CCDC192: variants seen among roughly 807,000 people sequenced by gnomAD.
CCDC192 encodes coiled-coil domain-containing protein 192.
intron 2 of CCDC192, among the ~76,000 whole-genome samples, chr5:127,724,874 A>G (rs1752233589): frequency 6.6e-6 from 1 of 151,732 alleles, no homozygotes; most frequent in Non-Finnish European, 1.5e-5. Context: ...GAAGAAAAGA[A>G]ACGTCTAGTT....
chr5:127,919,875 CT>C (rs1753659658), intron 6 of CCDC192, among the ~76,000 whole-genome samples: 1 of 152,214 alleles, frequency 6.6e-6, no homozygotes, highest in Non-Finnish European at 1.5e-5. Context: ...GATAGATGCA[CT>C]ATTTTGACAG....
At chr5:127,783,002 T>G (rs1287718350) in intron 3 of CCDC192, among the ~76,000 whole-genome samples, 2 of 151,486 alleles carry the variant, frequency 1.3e-5, no homozygotes, top group Non-Finnish European at 2.9e-5. Flanking sequence ...GTGGGGTTTT[T>G]TTTTTTTTTT....
intron 6 of CCDC192, among the ~76,000 whole-genome samples, chr5:127,928,964 A>G (rs1050443376): frequency 6.6e-6 from 1 of 151,984 alleles, no homozygotes; most frequent in African/African-American, 2.4e-5. Context: ...ACACGGTTTC[A>G]CCAGGCTGGC....
intron 5 of CCDC192, among the ~76,000 whole-genome samples, chr5:127,844,377 G>C (rs1422858556): frequency 6.6e-6 from 1 of 152,212 alleles, no homozygotes; most frequent in African/African-American, 2.4e-5. Context: ...GAAAGATATT[G>C]TGATGGGTAA....
chr5:127,725,906 T>G (rs1445474279), intron 2 of CCDC192, among the ~76,000 whole-genome samples: 2 of 152,202 alleles, frequency 1.3e-5, no homozygotes, highest in Non-Finnish European at 2.9e-5. Flanking sequence ...AGTATAAAAT[T>G]GAAAGATTAT....
intron 5 of CCDC192, among the ~76,000 whole-genome samples, chr5:127,818,211 A>G (rs1241999834): frequency 6.6e-6 from 1 of 152,204 alleles, no homozygotes; most frequent in Non-Finnish European, 1.5e-5. Flanking sequence ...TCACTTGATA[A>G]GAGTCTAAAA....
chr5:127,789,974 C>T (rs998541280), intron 3 of CCDC192, among the ~76,000 whole-genome samples: 1 of 152,134 alleles, frequency 6.6e-6, no homozygotes, highest in Non-Finnish European at 1.5e-5. Flanking sequence ...CTGACAGAAC[C>T]CTGGGGGAGA....
intron 6 of CCDC192, among the ~76,000 whole-genome samples, chr5:127,923,392 T>C (rs2127192637): frequency 6.6e-6 from 1 of 151,660 alleles, no homozygotes; most frequent in East Asian, 1.9e-4. Context: ...TTTTTTTTTT[T>C]CTTGAGACAG....
chr5:127,903,243 T>A (rs1372029391), intron 6 of CCDC192, among the ~76,000 whole-genome samples: 1 of 144,496 alleles, frequency 6.9e-6, no homozygotes, highest in East Asian at 2.0e-4. Context: ...TTGGAGGAAT[T>A]TTTTTTTTTT....
chr5:127,809,259 TAAAG>T (rs1425250198), intron 5 of CCDC192, among the ~76,000 whole-genome samples: 2 of 152,050 alleles, frequency 1.3e-5, no homozygotes, highest in African/African-American at 4.8e-5. Flanking sequence ...AAAAAGCACT[TAAAG>T]AGCCATAATT....
At chr5:127,751,060 C>G (rs1397940370) in intron 2 of CCDC192, among the ~76,000 whole-genome samples, 2 of 145,120 alleles carry the variant, frequency 1.4e-5, no homozygotes, top group African/African-American at 5.1e-5. Context: ...GGTCTTGACT[C>G]TTTATCCAAT....
intron 5 of CCDC192, among the ~76,000 whole-genome samples, chr5:127,872,533 G>A (rs1001785764): frequency 6.6e-6 from 1 of 152,214 alleles, no homozygotes; most frequent in Non-Finnish European, 1.5e-5. Flanking sequence ...AACTTCCAGT[G>A]ACCTCTCAAC....
intron 3 of CCDC192, among the ~76,000 whole-genome samples, chr5:127,777,167 A>G (rs1257394162): frequency 6.6e-6 from 1 of 152,232 alleles, no homozygotes; most frequent in East Asian, 1.9e-4. Flanking sequence ...GCCATGAGGG[A>G]GGCTGTATCC....
At chr5:127,852,866 G>A (rs936581907) in intron 5 of CCDC192, among the ~76,000 whole-genome samples, 3 of 152,038 alleles carry the variant, frequency 2.0e-5, no homozygotes, top group South Asian at 2.1e-4. Flanking sequence ...AGGCCGAGGC[G>A]GGCAGATGGT....
intron 2 of CCDC192, among the ~76,000 whole-genome samples, chr5:127,718,118 T>G (rs540629471): frequency 6.6e-6 from 1 of 152,104 alleles, no homozygotes; most frequent in Non-Finnish European, 1.5e-5. Flanking sequence ...GAAGTGTCCT[T>G]TAGAAAATGA....
chr5:127,786,994 G>C (rs191389002), intron 3 of CCDC192: 15 of 361,656 alleles, frequency 4.1e-5, no homozygotes, highest in Non-Finnish European at 7.0e-5. Flanking sequence ...TCTGGTCTAA[G>C]CCAATCTGCT....
intron 5 of CCDC192, among the ~76,000 whole-genome samples, chr5:127,848,529 G>A (rs1750661883): frequency 1.3e-5 from 2 of 152,070 alleles, no homozygotes; most frequent in Non-Finnish European, 2.9e-5. Flanking sequence ...AGCTCAGGCC[G>A]GATAACTCTT....
intron 3 of CCDC192, among the ~76,000 whole-genome samples, chr5:127,763,726 C>T (rs1183002429): frequency 6.6e-6 from 1 of 152,112 alleles, no homozygotes; most frequent in Admixed American, 6.5e-5. Flanking sequence ...GTATCATATC[C>T]TCTCTCACCT....
intron 5 of CCDC192, among the ~76,000 whole-genome samples, chr5:127,821,792 A>G (rs1749305443): frequency 6.6e-6 from 1 of 152,198 alleles, no homozygotes; most frequent in Non-Finnish European, 1.5e-5. Flanking sequence ...CAGCATAACT[A>G]TAACTGCCAT....
Sources: gnomAD v4.1 joint callset for allele counts (sites outside exome capture counted in the v4.1 genomes callset) on GRCh38, gnomAD v4.1.1 for gene constraint, MANE v1.5 for transcripts, NCBI Gene and HGNC (gene_info 2026-07-23, HGNC 2026-07-21) for gene names.